The following IL17D variants were observed in gnomAD, a reference collection of about 807,000 sequenced individuals.
IL17D encodes the protein interleukin 17D.
Under a neutral mutation model 5.7 loss-of-function variants are expected in IL17D, and 10 were observed. The observed-to-expected ratio is 1.75, with a 90% CI of 1.08 to 2.97. The LOEUF (loss-of-function observed/expected upper bound fraction) is 2.97. Among genes scored for constraint, IL17D ranks in the 30% most tolerant of loss-of-function variants. IL17D has a pLI of 0.00. For missense variants in IL17D, 354 were observed against 292.7 expected, an observed-to-expected ratio of 1.21 and a Z score of -1.53; for synonymous variants, 172 against 141.7, an observed-to-expected ratio of 1.21 and a Z score of -1.52.
intron 1 of IL17D, among the ~76,000 whole-genome samples, chr13:20,718,329 G>C (rs374580099): frequency 1.3e-5 from 2 of 152,052 alleles, no homozygotes; most frequent in Non-Finnish European, 2.9e-5. Context: ...GTGTGAGCAC[G>C]CAACCTGTCC....
rs1366012752 is a variant in IL17D at position 20,704,202 on chromosome 13, CA to C, written c.203del (p.Asn68ThrfsTer53). 1 of 1,372,206 alleles carries C rather than the reference CA, an allele frequency of 7.3e-7. No individual in the cohort carries two copies. The highest frequency in any genetic ancestry group is 1.5e-5 in the African/African-American group (1 of 64,648). The allele number at this position is 1,372,206 out of a possible 1,614,324, so 85.0% of individuals were successfully genotyped here. A position where few individuals can be genotyped will look rare whatever the true frequency, so the allele number is the denominator to read the frequency against. ...LQLGPREQARNASCPAGGRPA... is the reference protein window; with the variant it reads ...LQLGPREQARXASCPAGGRPA... ...AGCTGGGGCCGCGTGAGCAGGCGCGCAACGCGAGCTGCCCGGCAGGGGGCAG... is the reference window on the plus strand; with the variant it reads ...AGCTGGGGCCGCGTGAGCAGGCGCGCACGCGAGCTGCCCGGCAGGGGGCAG... On this transcript the variant is annotated frameshift_variant, in exon 1 of 2. Transcript: ENST00000682841. LOFTEE classifies it high-confidence loss of function.
chr13:20,720,874 A>ACCCCCCCCCCCCCCCCCC (rs67735251), intron 1 of IL17D, among the ~76,000 whole-genome samples: 25 of 75,742 alleles, frequency 3.3e-4, no homozygotes, highest in African/African-American at 4.1e-4. Context: ...CTCCCTCCCA[A>ACCCCCCCCCCCCCCCCCC]CCCCCCCCCC....
chr13:20,705,059 G>A (rs2058580618), intron 1 of IL17D, among the ~76,000 whole-genome samples: 1 of 152,152 alleles, frequency 6.6e-6, no homozygotes, highest in South Asian at 2.1e-4. Context: ...GGAGAAGTTG[G>A]GGGCGTGTAG....
Position 20,721,942 on chromosome 13 carries a change from C to T in IL17D, c.597C>T (p.Pro199=). Residue 199 remains proline, a synonymous_variant, in exon 2 of 2, where the codon CCC becomes CCT. Coordinates refer to ENST00000682841, the MANE Select transcript of IL17D (RefSeq NM_001385224.1). ...AKLLLGPNDA[P]AGP is the part of the protein sequence containing the mutation. The stretch of plus-strand genomic sequence containing the variant: ...TCCTGCTGGGCCCCAACGACGCGCC[C>T]GCTGGCCCCTGAGGCCGGTCCTGCC... The T allele has an allele frequency of 2.5e-6, 4 of 1,595,654 alleles. No individual in the cohort carries two copies. The highest frequency in any genetic ancestry group is 3.4e-6 in the Non-Finnish European group (4 of 1,174,314).
At chr13:20,717,262 G>C (rs1209005735) in intron 1 of IL17D, 1 of 152,276 alleles carries the variant, frequency 6.6e-6, no homozygotes, top group Non-Finnish European at 1.5e-5. Flanking sequence ...ATGCCCTGGT[G>C]CCAAGCTTCT....
chr13:20,721,597 G>GC, intron 1 of IL17D, 39 bp from the exon 2 acceptor site: 1 of 1,520,398 alleles, frequency 6.6e-7, no homozygotes, highest in Non-Finnish European at 8.9e-7. Flanking sequence ...GCGCGGGGCT[G>GC]CCCCCAGGCG....
At chr13:20,704,832 G>T (rs988364883) in intron 1 of IL17D, among the ~76,000 whole-genome samples, 2 of 152,108 alleles carry the variant, frequency 1.3e-5, no homozygotes, top group African/African-American at 4.8e-5. Flanking sequence ...CATATTTCCT[G>T]AGTGCCCCTG....
chr13:20,703,231 T>C (rs112791041), upstream of IL17D: 3,327 of 978,662 alleles, frequency 3.4e-3, 87 homozygotes, highest in African/African-American at 0.053. Context: ...TGCGTGGCCC[T>C]TCGGGTTATT....
At chr13:20,719,339 CCA>C (rs1254250567) in intron 1 of IL17D, among the ~76,000 whole-genome samples, 1 of 146,348 alleles carries the variant, frequency 6.8e-6, no homozygotes, top group Non-Finnish European at 1.5e-5. Context: ...CCACACTCAC[CCA>C]CACACACCTG....
At chr13:20,709,088 A>G (rs1462956308) in intron 1 of IL17D, among the ~76,000 whole-genome samples, 1 of 151,638 alleles carries the variant, frequency 6.6e-6, no homozygotes, top group South Asian at 2.1e-4. Context: ...ACAGAAAGCA[A>G]CGCTAGCATC....
At chr13:20,705,090 C>T (rs898460037) in intron 1 of IL17D, among the ~76,000 whole-genome samples, 2 of 152,030 alleles carry the variant, frequency 1.3e-5, no homozygotes, top group Admixed American at 6.5e-5. Context: ...GCAGTGTCCT[C>T]AGCAGGCACC....
Position 20,716,002 on chromosome 13 carries a change from T to C in IL17D, c.291-5634T>C, listed in dbSNP as rs540209014. On this transcript the variant is annotated intron_variant, in intron 1 of 1. Coordinates refer to ENST00000682841, the MANE Select transcript of IL17D (RefSeq NM_001385224.1). This position sits in a 1 kb window ranked among gnomAD's most constrained non-coding sequence, Gnocchi z 4.2. ...GAGCTCAAGAGGCCTCCCAAAGTGC[T>C]GCGATTACAGGCATGAGCCACCGCG... 62 of 620,502 alleles carry C rather than the reference T, an allele frequency of 1.0e-4. No individual in the cohort carries two copies. The South Asian group carries it at 4.0e-3, about 40-fold the overall frequency. 38.4% of individuals were successfully genotyped at this position (620,502 alleles called of 1,614,324 possible). A position where few individuals can be genotyped will look rare whatever the true frequency, so the allele number is the denominator to read the frequency against.
At chr13:20,703,411 C>T (rs935560118), upstream of IL17D, 131 of 985,800 alleles carry the variant, frequency 1.3e-4, 1 homozygote, top group Non-Finnish European at 1.5e-4. Flanking sequence ...GGGCGGCGAC[C>T]TCGCTCAGTC....
chr13:20,704,281 T>G lies in IL17D; in HGVS notation c.280T>G (p.Trp94Gly). 1 of 1,086,710 alleles carries G rather than the reference T, an allele frequency of 9.2e-7. No individual in the cohort carries two copies. The highest frequency in any genetic ancestry group is 1.1e-6 in the Non-Finnish European group (1 of 900,998). 67.3% of individuals were successfully genotyped at this position (1,086,710 alleles called of 1,614,324 possible). The change falls in exon 1 of 2, where the codon TGG (tryptophan) becomes GGG (glycine). Residue 94 changes from tryptophan (W) to glycine (G), a missense_variant. Physicochemically the swap from Trp to Gly is radical, Grantham distance 184. Transcript: ENST00000682841. ...CACCAACCTGCGCAGCGTGTCGCCC[T>G]GGGCCTACAGGTGAGCCGCGGGCGC... ...PPTNLRSVSP[W>G]AYRISYDPAR...
chr13:20,720,874 A>ACCCCCCCCCCCCCCCCCCCCCCCCAC (rs67735251), intron 1 of IL17D, among the ~76,000 whole-genome samples: 1 of 75,716 alleles, frequency 1.3e-5, no homozygotes, highest in South Asian at 5.3e-4. Context: ...CTCCCTCCCA[A>ACCCCCCCCCCCCCCCCCCCCCCCCAC]CCCCCCCCCC....
chr13:20,721,773 T>C lies in IL17D; in HGVS notation c.428T>C (p.Leu143Pro). 4.3e-6 allele frequency: 7 copies of C among 1,609,530 alleles called. No homozygotes were observed. The highest frequency in any genetic ancestry group is 5.9e-6 in the Non-Finnish European group (7 of 1,179,724). Residue 143 changes from leucine (L) to proline (P), a missense_variant, in exon 2 of 2, where the codon CTG (leucine) becomes CCG (proline). By Grantham distance (98) the Leu-to-Pro change is moderately conservative. Coordinates refer to ENST00000682841, the MANE Select transcript of IL17D (RefSeq NM_001385224.1). Reference protein sequence around the residue: ...SAPVYMPTVVLRRTPACAGGR... With the variant: ...SAPVYMPTVVPRRTPACAGGR... Reference sequence around the variant, plus strand: ...CCTGTCTACATGCCCACCGTCGTCCTGCGCCGCACCCCCGCCTGCGCCGGC... The same window carrying C: ...CCTGTCTACATGCCCACCGTCGTCCCGCGCCGCACCCCCGCCTGCGCCGGC...
chr13:20,714,498 C>T (rs146749556), intron 1 of IL17D, among the ~76,000 whole-genome samples: 265 of 152,346 alleles, frequency 1.7e-3, no homozygotes, highest in Non-Finnish European at 3.1e-3. Flanking sequence ...AGTTTCCTCA[C>T]GAGTGAGAGG....
At chr13:20,705,002 C>T (rs1481911650) in intron 1 of IL17D, among the ~76,000 whole-genome samples, 1 of 152,162 alleles carries the variant, frequency 6.6e-6, no homozygotes, top group Non-Finnish European at 1.5e-5. Context: ...GGTCTTGGAA[C>T]AGAGGTCATT....
In IL17D at chr13:20,716,156, G is replaced by T. The variant is rs2058677592; in HGVS notation, c.291-5480G>T. On this transcript the variant is annotated intron_variant, in intron 1 of 1. Transcript: ENST00000682841. This position sits in a 1 kb window ranked among gnomAD's most constrained non-coding sequence, Gnocchi z 4.2. ...TTGCAAAGGTTAGTGTTTTTCACAG[G>T]ACTCTCAGCTCTTGGAGAGGGATGC... 1 of 952,564 alleles carries T rather than the reference G, an allele frequency of 1.0e-6. No homozygotes were observed. The highest frequency in any genetic ancestry group is 1.2e-6 in the Non-Finnish European group (1 of 800,042). The allele number at this position is 952,564 out of a possible 1,614,324, so 59.0% of individuals were successfully genotyped here.
Sources: allele counts gnomAD v4.1 joint callset (sites outside exome capture counted in the v4.1 genomes callset), GRCh38; gene constraint gnomAD v4.1.1; non-coding constraint Gnocchi (gnomAD v3.1); transcripts MANE v1.5; gene names NCBI Gene and HGNC (gene_info 2026-07-23, HGNC 2026-07-21).